Variants in GRM5 observed in about 807,000 individuals in gnomAD.
The protein encoded by GRM5 is glutamate metabotropic receptor 5, also known as metabotropic glutamate receptor 5.
Under a neutral mutation model 83.1 loss-of-function variants are expected in GRM5, and 19 were observed. The ratio of observed to expected loss-of-function variants is 0.23; its 90% CI spans 0.16 to 0.34. The LOEUF (loss-of-function observed/expected upper bound fraction) is 0.34, where lower values mean the gene tolerates loss of function less well. Among genes scored for constraint, GRM5 ranks in the 10% least tolerant of loss-of-function variants. The probability of loss-of-function intolerance (pLI) is 1.00; values close to 1 mark genes in which losing one functional copy is unlikely to be tolerated. For missense variants in GRM5, 1,160 were observed against 1,588.3 expected (o/e 0.73, Z 4.58); for synonymous variants, 675 against 633.6 (o/e 1.07, Z -0.98).
At chr11:88,820,733 A>C (rs1184684512) in intron 3 of GRM5, among the ~76,000 whole-genome samples, 1 of 152,186 alleles carries the variant, frequency 6.6e-6, no homozygotes, top group East Asian at 1.9e-4. Context: ...TTACCTCTCT[A>C]TGTCTTGTTT....
rs188457532 is a variant in GRM5, at chr11:88,981,373, G to T, written c.661+65839C>A. Among the ~76,000 whole-genome samples the T allele has an allele frequency of 5.9e-4, 90 of 152,110 alleles. No individual in the cohort carries two copies. The East Asian group carries it at 0.011, about 18-fold the overall frequency. ...TACAAGTCTGTGACTTCCAAACCTA[G>T]ACTCAAAACTGTCCAGATTAAAATA... On this transcript the variant is annotated intron_variant, in intron 2 of 9. Coordinates refer to ENST00000305447, the MANE Select transcript of GRM5 (RefSeq NM_001143831.3).
At chr11:88,736,409 T>G (rs1434348818) in intron 3 of GRM5, among the ~76,000 whole-genome samples, 1 of 152,062 alleles carries the variant, frequency 6.6e-6, no homozygotes, top group African/African-American at 2.4e-5. Flanking sequence ...TTCTCCCAAA[T>G]TTTTGTATCT....
intron 4 of GRM5, among the ~76,000 whole-genome samples, chr11:88,623,453 A>G (rs1369905600): frequency 6.6e-6 from 1 of 152,098 alleles, no homozygotes; most frequent in African/African-American, 2.4e-5. Context: ...ATTGTCCTCA[A>G]TTATCAAATT....
intron 3 of GRM5, among the ~76,000 whole-genome samples, chr11:88,654,997 A>G (rs1469469868): frequency 6.6e-6 from 1 of 152,082 alleles, no homozygotes; most frequent in Non-Finnish European, 1.5e-5. Flanking sequence ...ATGACTTGAG[A>G]TATTAGCTAG....
chr11:88,613,640 G>T (rs1383029958), intron 4 of GRM5, among the ~76,000 whole-genome samples: 1 of 152,040 alleles, frequency 6.6e-6, no homozygotes, highest in Non-Finnish European at 1.5e-5. Flanking sequence ...TATCCAACTT[G>T]CCATTTTATG....
At chr11:88,833,817 C>T (rs1205343072) in intron 3 of GRM5, among the ~76,000 whole-genome samples, 3 of 152,040 alleles carry the variant, frequency 2.0e-5, no homozygotes, top group Non-Finnish European at 2.9e-5. Context: ...TCATTTTTAG[C>T]AACATGGATG....
At position 88,567,271 on chromosome 11, in the gene GRM5, G is replaced by A. The variant is rs1211597677; in HGVS notation, c.2412C>T (p.Phe804=). The A allele has an allele frequency of 1.2e-6, 2 of 1,614,004 alleles. No individual in the cohort carries two copies. The highest frequency in any genetic ancestry group is 1.7e-6 in the Non-Finnish European group (2 of 1,179,870). ...CCACTGTGGCACTGAGGCTGACCGA[G>A]AAACACATGGTGATGATTTTGTAGT... The part of the protein sequence containing the change: ...GSNYKIITMC[F]SVSLSATVAL... Residue 804 remains phenylalanine, a synonymous_variant, in exon 8 of 10, where the codon TTC becomes TTT. Coordinates refer to ENST00000305447, the MANE Select transcript of GRM5 (RefSeq NM_001143831.3). This position sits in a 1 kb window ranked among gnomAD's most constrained non-coding sequence, Gnocchi z 7.3.
intron 8 of GRM5, among the ~76,000 whole-genome samples, chr11:88,559,979 A>G (rs1942717073): frequency 6.6e-6 from 1 of 152,106 alleles, no homozygotes; most frequent in African/African-American, 2.4e-5. Context: ...TAAGATGAGT[A>G]TGAGTTGGCC....
At position 88,596,688 on chromosome 11, in the gene GRM5, G is replaced by T. The variant is rs117862848; in HGVS notation, c.1563+496C>A. On this transcript the variant is annotated intron_variant, in intron 6 of 9. Transcript: ENST00000305447. ...CAGTAGAAATATCTCTATCCCTTTT[G>T]TACAAACTTATATAGTCCTCTTCTT... 1.0e-2 allele frequency among the ~76,000 whole-genome samples: 1,515 copies of T among 151,844 alleles called. 18 individuals carry two copies. The highest frequency in any genetic ancestry group is 0.074 in the East Asian group (382 of 5,170).
At position 89,059,771 on chromosome 11, in the gene GRM5, T is replaced by C. The variant is rs146559620; in HGVS notation, c.-201+6005A>G. 1.8e-3 allele frequency among the ~76,000 whole-genome samples: 271 copies of C among 152,284 alleles called. 2 individuals carry two copies. The highest frequency in any genetic ancestry group is 6.2e-3 in the African/African-American group (259 of 41,576). On this transcript the variant is annotated intron_variant, in intron 1 of 9. Transcript: ENST00000305447. ...GGTCAGATACTTTATTTTTTTAATT[T>C]ATTTTTCTCTTTATGTCTTCTAAAA...
chr11:89,049,757 G>GA (rs1009139632), intron 1 of GRM5, among the ~76,000 whole-genome samples: 19 of 152,146 alleles, frequency 1.2e-4, no homozygotes, highest in Non-Finnish European at 2.5e-4. Flanking sequence ...GGAATATATA[G>GA]AAAAAAATAG....
At chr11:88,515,171 G>A (rs1256074787) in intron 9 of GRM5, among the ~76,000 whole-genome samples, 9 of 152,138 alleles carry the variant, frequency 5.9e-5, no homozygotes, top group Admixed American at 5.2e-4. Context: ...CTCATAAGGA[G>A]CAAGCACCTT....
intron 2 of GRM5, among the ~76,000 whole-genome samples, chr11:88,875,125 T>G (rs561781035): frequency 6.6e-6 from 1 of 151,894 alleles, no homozygotes; most frequent in African/African-American, 2.4e-5. Flanking sequence ...CATATAATGC[T>G]GTTGGATAAC....
At chr11:88,946,044 T>C (rs1938274666) in intron 2 of GRM5, among the ~76,000 whole-genome samples, 1 of 151,744 alleles carries the variant, frequency 6.6e-6, no homozygotes, top group Admixed American at 6.6e-5. Context: ...TCAACAAGCA[T>C]AAATGAATAA....
At chr11:88,865,624 AC>A (rs1432941625) in intron 2 of GRM5, among the ~76,000 whole-genome samples, 1 of 152,120 alleles carries the variant, frequency 6.6e-6, no homozygotes, top group Non-Finnish European at 1.5e-5. Flanking sequence ...TGAAAAGGCA[AC>A]CTACAGAATG....
intron 2 of GRM5, among the ~76,000 whole-genome samples, chr11:88,917,815 A>G (rs1945619752): frequency 6.6e-6 from 1 of 152,170 alleles, no homozygotes; most frequent in Non-Finnish European, 1.5e-5. Flanking sequence ...AAAAAAATGA[A>G]GCATGCCTAC....
intron 6 of GRM5, among the ~76,000 whole-genome samples, chr11:88,594,018 C>T (rs986535169): frequency 6.6e-6 from 1 of 152,010 alleles, no homozygotes; most frequent in Admixed American, 6.6e-5. Flanking sequence ...TGGTCTCGAT[C>T]TCCTGACCTT....
intron 2 of GRM5, among the ~76,000 whole-genome samples, chr11:88,863,529 C>T (rs1944606856): frequency 6.6e-6 from 1 of 152,046 alleles, no homozygotes; most frequent in Non-Finnish European, 1.5e-5. Context: ...CCAAACACCA[C>T]ATGTTCTCAC....
intron 2 of GRM5, among the ~76,000 whole-genome samples, chr11:88,983,971 T>C (rs980196217): frequency 1.3e-5 from 2 of 152,056 alleles, no homozygotes; most frequent in Non-Finnish European, 2.9e-5. Flanking sequence ...AAAAAGCATA[T>C]AGAAAAGGAA....
Sources: allele counts gnomAD v4.1 joint callset (sites outside exome capture counted in the v4.1 genomes callset), GRCh38; gene constraint gnomAD v4.1.1; non-coding constraint Gnocchi (gnomAD v3.1); transcripts MANE v1.5; gene names NCBI Gene and HGNC (gene_info 2026-07-23, HGNC 2026-07-21).